The following ZRANB3 variants were observed in gnomAD, a reference collection of about 807,000 sequenced individuals.
ZRANB3 encodes the protein DNA annealing helicase and endonuclease ZRANB3.
A neutral mutation model predicts 133.8 loss-of-function variants in ZRANB3; 125 were observed. The ratio of observed to expected loss-of-function variants is 0.93; its 90% CI spans 0.81 to 1.08. The LOEUF (loss-of-function observed/expected upper bound fraction) is 1.08. Among genes scored for constraint, ZRANB3 ranks in the 50% least tolerant of loss-of-function variants. The probability of loss-of-function intolerance (pLI) is 0.00; values close to 1 mark genes in which losing one functional copy is unlikely to be tolerated. For missense variants in ZRANB3, 1,229 were observed against 1,275.5 expected, an observed-to-expected ratio of 0.96 and a Z score of 0.56; for synonymous variants, 387 against 432.7, an observed-to-expected ratio of 0.89 and a Z score of 1.31.
intron 14 of ZRANB3, among the ~76,000 whole-genome samples, chr2:135,227,079 C>T (rs1343995717): frequency 6.6e-6 from 1 of 152,204 alleles, no homozygotes; most frequent in Admixed American, 6.5e-5. Context: ...AAAGCTTCAA[C>T]AGTCTCATCC....
chr2:135,519,605 T>C (rs188574118), intron 1 of ZRANB3, among the ~76,000 whole-genome samples: 2 of 152,208 alleles, frequency 1.3e-5, no homozygotes, highest in East Asian at 3.8e-4. Flanking sequence ...AAATATCTAT[T>C]TTAAATATTA....
chr2:135,330,436 G>A (rs984300781), intron 6 of ZRANB3, among the ~76,000 whole-genome samples: 1 of 152,180 alleles, frequency 6.6e-6, no homozygotes, highest in African/African-American at 2.4e-5. Context: ...GCTCTTTGAT[G>A]TGCTGCTGGA....
At chr2:135,322,605 C>A (rs1248977858) in intron 6 of ZRANB3, among the ~76,000 whole-genome samples, 2 of 151,996 alleles carry the variant, frequency 1.3e-5, no homozygotes, top group African/African-American at 4.8e-5. Context: ...GTAGTCCTCC[C>A]TACTTGGGAG....
chr2:135,311,403 T>A lies in ZRANB3; in HGVS notation c.966+2086A>T, dbSNP rs143675134. ...CTACTTTGAAAAACAATTTGGCAGT[T>A]TTTTTTATCAAGTTAAATCTATACT... On this transcript the variant is annotated intron_variant, in intron 8 of 20. Coordinates refer to ENST00000264159, the MANE Select transcript of ZRANB3 (RefSeq NM_032143.4). Among the ~76,000 whole-genome samples the A allele has an allele frequency of 7.0e-3, 1,063 of 151,980 alleles. 11 individuals are homozygous for A. The highest frequency in any genetic ancestry group is 0.024 in the African/African-American group (997 of 41,506).
intron 2 of ZRANB3, among the ~76,000 whole-genome samples, chr2:135,426,132 C>G (rs1357574926): frequency 6.6e-6 from 1 of 151,940 alleles, no homozygotes. Flanking sequence ...AAGATTAAGC[C>G]AGGGAGAAAC....
At chr2:135,399,841 C>G (rs2104937458) in intron 2 of ZRANB3, among the ~76,000 whole-genome samples, 1 of 152,282 alleles carries the variant, frequency 6.6e-6, no homozygotes, top group African/African-American at 2.4e-5. Flanking sequence ...AACTGGTGAT[C>G]TCTGTGTCAT....
At chr2:135,209,554 ACT>A (rs1299191657) in intron 17 of ZRANB3, among the ~76,000 whole-genome samples, 1 of 152,192 alleles carries the variant, frequency 6.6e-6, no homozygotes, top group Non-Finnish European at 1.5e-5. Context: ...AAATAAAGCC[ACT>A]CTTGATATGG....
intron 2 of ZRANB3, among the ~76,000 whole-genome samples, chr2:135,485,981 T>C (rs1054059688): frequency 3.2e-4 from 48 of 152,204 alleles, no homozygotes; most frequent in Admixed American, 2.9e-3. Context: ...ATATCAATTA[T>C]TATTAACCAT....
At chr2:135,514,236 TG>T (rs1276770237) in intron 1 of ZRANB3, among the ~76,000 whole-genome samples, 1 of 152,226 alleles carries the variant, frequency 6.6e-6, no homozygotes, top group Non-Finnish European at 1.5e-5. Context: ...TTGGGCAATA[TG>T]GCCACTTTCA....
chr2:135,294,614 T>G (rs1265383918), intron 8 of ZRANB3, among the ~76,000 whole-genome samples: 1 of 152,214 alleles, frequency 6.6e-6, no homozygotes, highest in African/African-American at 2.4e-5. Flanking sequence ...TACTCTGATC[T>G]TAGTTATTTC....
intron 15 of ZRANB3, among the ~76,000 whole-genome samples, chr2:135,222,303 G>A (rs1694585565): frequency 6.6e-6 from 1 of 151,660 alleles, no homozygotes; most frequent in South Asian, 2.1e-4. Context: ...TCGGGAGGCT[G>A]AGGCAGGAGA....
At chr2:135,329,923 G>T (rs1684050892) in intron 6 of ZRANB3, among the ~76,000 whole-genome samples, 1 of 152,220 alleles carries the variant, frequency 6.6e-6, no homozygotes, top group Non-Finnish European at 1.5e-5. Context: ...AGACTTTGCT[G>T]AAGTTGCTTA....
In ZRANB3 at chr2:135,257,990, G is replaced by A. The variant is rs1320072181; in HGVS notation, c.1539+7544C>T. Among the ~76,000 whole-genome samples, 3 of 152,226 alleles carry A rather than the reference G, an allele frequency of 2.0e-5. No individual in the cohort carries two copies. The East Asian group carries it at 5.8e-4, about 29-fold the overall frequency. ...ATCTTCCTCATGATGTTGCTCTGAA[G>A]GTTAAATAAGATCATGAGCCTGGAG... is the stretch of plus-strand genomic sequence containing the variant. On this transcript the variant is annotated intron_variant, in intron 12 of 20. Transcript: ENST00000264159.
intron 13 of ZRANB3, among the ~76,000 whole-genome samples, chr2:135,230,199 A>G (rs1360200522): frequency 6.6e-6 from 1 of 152,232 alleles, no homozygotes; most frequent in Non-Finnish European, 1.5e-5. Context: ...CATATTTGCT[A>G]CCATAGCAAC....
At chr2:135,454,150 T>C (rs1015093910) in intron 2 of ZRANB3, among the ~76,000 whole-genome samples, 2 of 152,190 alleles carry the variant, frequency 1.3e-5, no homozygotes, top group Admixed American at 6.5e-5. Flanking sequence ...TGGGAAAGAC[T>C]GGCCCCCACG....
chr2:135,360,335 C>T (rs921766891), intron 3 of ZRANB3, among the ~76,000 whole-genome samples: 12 of 149,334 alleles, frequency 8.0e-5, no homozygotes, highest in Non-Finnish European at 1.6e-4. Flanking sequence ...GAGCTGAGAT[C>T]ATGCGTTTGT....
chr2:135,371,489 C>G (rs996470261), intron 3 of ZRANB3, among the ~76,000 whole-genome samples: 1 of 152,142 alleles, frequency 6.6e-6, no homozygotes, highest in Non-Finnish European at 1.5e-5. Context: ...CTTTTCATTT[C>G]GAATTTTGTC....
In ZRANB3 at chr2:135,200,201, T is replaced by C; in HGVS notation, c.*141A>G. On this transcript the variant is annotated 3_prime_UTR_variant, in exon 21 of 21. Transcript: ENST00000264159. Reference sequence around the variant, plus strand: ...TTCAAAATGTATTTAATACTAAAAGTAATTAGTAGAAGAGAATTTGAATTC... The same window carrying C: ...TTCAAAATGTATTTAATACTAAAAGCAATTAGTAGAAGAGAATTTGAATTC... 1.4e-6 allele frequency: 1 copy of C among 696,684 alleles called. No individual in the cohort carries two copies. 43.2% of individuals were successfully genotyped at this position (696,684 alleles called of 1,614,324 possible).
At chr2:135,297,240 C>T (rs774943134) in intron 8 of ZRANB3, among the ~76,000 whole-genome samples, 8 of 152,328 alleles carry the variant, frequency 5.3e-5, no homozygotes, top group Admixed American at 2.6e-4. Context: ...TCGAGCTTCC[C>T]GGCCACTTTG....
Sources: allele counts gnomAD v4.1 joint callset (sites outside exome capture counted in the v4.1 genomes callset), GRCh38; gene constraint gnomAD v4.1.1; transcripts MANE v1.5; gene names NCBI Gene and HGNC (gene_info 2026-07-23, HGNC 2026-07-21).